DLC1: variants seen among roughly 807,000 people sequenced by gnomAD.
The protein encoded by DLC1 is DLC1 Rho GTPase activating protein, also known as rho GTPase-activating protein 7.
A neutral mutation model predicts 140.3 loss-of-function variants in DLC1; 54 were observed. The ratio of observed to expected loss-of-function variants is 0.38; its 90% CI spans 0.31 to 0.48. The LOEUF (loss-of-function observed/expected upper bound fraction) is 0.48, where lower values mean the gene tolerates loss of function less well. Among genes scored for constraint, DLC1 ranks in the 20% least tolerant of loss-of-function variants. The probability of loss-of-function intolerance (pLI) is 0.96; values close to 1 mark genes in which losing one functional copy is unlikely to be tolerated. For missense variants in DLC1, 2,536 were observed against 1,907.0 expected (o/e 1.33, Z -6.14); for synonymous variants, 986 against 728.1 (o/e 1.35, Z -5.70).
chr8:13,439,890 G>T (rs760510803), intron 2 of DLC1, among the ~76,000 whole-genome samples: 1 of 152,102 alleles, frequency 6.6e-6, no homozygotes, highest in African/African-American at 2.4e-5. Flanking sequence ...TCGCCTCACA[G>T]AAGTGAAATT....
chr8:13,146,868 C>T (rs912061071), intron 5 of DLC1, among the ~76,000 whole-genome samples: 4 of 152,136 alleles, frequency 2.6e-5, no homozygotes, highest in African/African-American at 9.7e-5. Flanking sequence ...CCGAATAGAG[C>T]TCTGTTTCTA....
At chr8:13,489,544 A>G (rs1003201192) in intron 2 of DLC1, among the ~76,000 whole-genome samples, 15 of 151,030 alleles carry the variant, frequency 9.9e-5, no homozygotes, top group Admixed American at 9.3e-4. Context: ...AACTCATTTA[A>G]TATTTCTGAC....
chr8:13,378,370 G>A (rs577727578), intron 4 of DLC1, among the ~76,000 whole-genome samples: 2 of 151,614 alleles, frequency 1.3e-5, no homozygotes, highest in Non-Finnish European at 2.9e-5. Flanking sequence ...TTAATTCTCT[G>A]TAGGATTCAA....
chr8:13,510,379 G>C (rs1034927932), intron 1 of DLC1, among the ~76,000 whole-genome samples: 3 of 152,088 alleles, frequency 2.0e-5, no homozygotes, highest in African/African-American at 4.8e-5. Flanking sequence ...GTTTCACCAT[G>C]TTGGTCAGGC....
intron 1 of DLC1, among the ~76,000 whole-genome samples, chr8:13,532,449 T>C (rs563583761): frequency 5.3e-5 from 8 of 152,226 alleles, no homozygotes; most frequent in Non-Finnish European, 1.2e-4. Flanking sequence ...CTGGTAAGAA[T>C]TCTGAGAGGA....
At chr8:13,094,726 A>T in intron 12 of DLC1, 33 bp downstream of exon 12, 4 of 1,612,058 alleles carry the variant, frequency 2.5e-6, no homozygotes, top group Non-Finnish European at 3.4e-6. Flanking sequence ...TTTTTCCCCA[A>T]TGCCAACAAT....
intron 5 of DLC1, among the ~76,000 whole-genome samples, chr8:13,295,487 G>A (rs1313311097): frequency 1.3e-5 from 2 of 152,158 alleles, no homozygotes; most frequent in African/African-American, 2.4e-5. Context: ...AAGAAGATGG[G>A]CACCAGCCAT....
intron 4 of DLC1, among the ~76,000 whole-genome samples, chr8:13,356,571 A>T (rs1306046035): frequency 2.6e-5 from 4 of 152,092 alleles, no homozygotes; most frequent in African/African-American, 7.2e-5. Context: ...TCTCCTTAGA[A>T]TTTTTCCAAA....
intron 5 of DLC1, among the ~76,000 whole-genome samples, chr8:13,253,633 G>C (rs1249089377): frequency 6.6e-6 from 1 of 152,162 alleles, no homozygotes; most frequent in African/African-American, 2.4e-5. Context: ...CATCTCACCT[G>C]TTTTAACCGA....
At chr8:13,299,872 T>A (rs1167032420) in intron 5 of DLC1, among the ~76,000 whole-genome samples, 1 of 152,164 alleles carries the variant, frequency 6.6e-6, no homozygotes, top group Non-Finnish European at 1.5e-5. Context: ...GAAGACACAG[T>A]GGCGATTCCT....
At chr8:13,280,287 C>CAAAAAAAAAAAAAAAAAAAAAA (rs55791933) in intron 5 of DLC1, among the ~76,000 whole-genome samples, 1 of 65,352 alleles carries the variant, frequency 1.5e-5, no homozygotes, top group African/African-American at 6.1e-5. Flanking sequence ...GACTCCATCT[C>CAAAAAAAAAAAAAAAAAAAAAA]AAAAAAAAAA....
rs182072428 is a variant in DLC1 at position 13,305,056 on chromosome 8, A to T, written c.1348+213T>A. The T allele has an allele frequency of 1.8e-4, 213 of 1,208,318 alleles. No individual in the cohort carries two copies. The East Asian group carries it at 7.2e-3, about 41-fold the overall frequency. The allele number at this position is 1,208,318 out of a possible 1,614,324, so 74.8% of individuals were successfully genotyped here. A position where few individuals can be genotyped will look rare whatever the true frequency, so the allele number is the denominator to read the frequency against. ...ACAAGGAAGACCCCAAGAAACACAT[A>T]TCTTATTCTAACACAATGTCATTAT... On this transcript the variant is annotated intron_variant, in intron 5 of 17. Coordinates refer to ENST00000276297, the MANE Select transcript of DLC1 (RefSeq NM_182643.3).
At chr8:13,352,323 C>A (rs1451729764) in intron 4 of DLC1, among the ~76,000 whole-genome samples, 1 of 152,188 alleles carries the variant, frequency 6.6e-6, no homozygotes, top group Non-Finnish European at 1.5e-5. Context: ...TTCATAAGTG[C>A]ATTTGCTTTT....
At chr8:13,411,542 C>A (rs1837782891) in intron 2 of DLC1, among the ~76,000 whole-genome samples, 1 of 152,118 alleles carries the variant, frequency 6.6e-6, no homozygotes, top group Non-Finnish European at 1.5e-5. Flanking sequence ...AAACTATGAA[C>A]TTTGAGTGAT....
At chr8:13,286,039 GTAAT>G in intron 5 of DLC1, among the ~76,000 whole-genome samples, 1 of 152,142 alleles carries the variant, frequency 6.6e-6, no homozygotes, top group East Asian at 1.9e-4. Context: ...GTTATTATCT[GTAAT>G]AAATAAAGCA....
intron 5 of DLC1, among the ~76,000 whole-genome samples, chr8:13,176,653 C>T (rs1825774903): frequency 1.3e-5 from 2 of 152,322 alleles, no homozygotes; most frequent in South Asian, 4.1e-4. Context: ...AATGCACACC[C>T]ACAGCCCCAG....
At chr8:13,319,819 C>CTTTTTTTTTTTTTTTTTTTT (rs547737556) in intron 4 of DLC1, among the ~76,000 whole-genome samples, 5 of 76,150 alleles carry the variant, frequency 6.6e-5, no homozygotes, top group Non-Finnish European at 7.0e-5. Context: ...TTCTCTCTCT[C>CTTTTTTTTTTTTTTTTTTTT]TCTTTTTTTT....
chr8:13,177,166 T>C (rs911527503), intron 5 of DLC1, among the ~76,000 whole-genome samples: 4 of 152,230 alleles, frequency 2.6e-5, no homozygotes, highest in African/African-American at 9.6e-5. Context: ...GACAATGATA[T>C]ACCAGCCATT....
intron 1 of DLC1, among the ~76,000 whole-genome samples, chr8:13,549,692 C>A (rs913767845): frequency 2.0e-5 from 3 of 152,084 alleles, no homozygotes; most frequent in African/African-American, 7.2e-5. Context: ...AATAGGCCTG[C>A]CTGGCTTCAG....
Sources: allele counts gnomAD v4.1 joint callset (sites outside exome capture counted in the v4.1 genomes callset), GRCh38; gene constraint gnomAD v4.1.1; transcripts MANE v1.5; gene names NCBI Gene and HGNC (gene_info 2026-07-23, HGNC 2026-07-21).